ZNF254: variants seen among roughly 807,000 people sequenced by gnomAD.
ZNF254 encodes the protein zinc finger protein 254, also known as CTD-2017D11.1.
In ZNF254, 10 loss-of-function variants were observed where a neutral mutation model predicts 12.4. The ratio of observed to expected loss-of-function variants is 0.80; its 90% confidence interval spans 0.50 to 1.36. The LOEUF is 1.36. ZNF254 is among the 40% of genes most tolerant of loss of function. The pLI, the probability that ZNF254 is intolerant of heterozygous loss-of-function variation, is 0.00. For synonymous variants in ZNF254, 305 were observed against 253.4 expected, an observed-to-expected ratio of 1.20 and a Z score of -1.93; for missense variants, 996 against 763.9, an observed-to-expected ratio of 1.30 and a Z score of -3.58.
Position 24,129,692 on chromosome 19 carries a change from CT to C in ZNF254, c.*1717del, listed in dbSNP as rs1447440878. The C allele has an allele frequency of 6.6e-6, 1 of 151,524 alleles. No individual in the cohort carries two copies. The highest frequency in any genetic ancestry group is 1.5e-5 in the Non-Finnish European group (1 of 67,888). 9.4% of individuals were successfully genotyped at this position (151,524 alleles called of 1,614,324 possible). Reference sequence around the variant, plus strand: ...ATATCCATTACCTCTAGCATTTATTCTTTTTATTACAAGCAATTCAATTGTA... The same window carrying C: ...ATATCCATTACCTCTAGCATTTATTCTTTTATTACAAGCAATTCAATTGTA... On this transcript the variant is annotated 3_prime_UTR_variant, in exon 4 of 4. Coordinates refer to ENST00000357002, the MANE Select transcript of ZNF254 (RefSeq NM_203282.4).
At chr19:24,056,915 A>C (rs1970877952) in intron 2 of ZNF254, among the ~76,000 whole-genome samples, 1 of 152,168 alleles carries the variant, frequency 6.6e-6, no homozygotes, top group African/African-American at 2.4e-5. Flanking sequence ...CCTATTACCC[A>C]GATGATATAA....
intron 3 of ZNF254, among the ~76,000 whole-genome samples, chr19:24,111,411 A>G (rs1019455307): frequency 6.6e-6 from 1 of 152,220 alleles, no homozygotes; most frequent in African/African-American, 2.4e-5. Flanking sequence ...CACAATAAAC[A>G]TACTTGTGCA....
At chr19:24,105,751 C>A in intron 1 of ZNF254, 189 bp from the exon 2 acceptor site, 2 of 912,202 alleles carry the variant, frequency 2.2e-6, no homozygotes, top group Non-Finnish European at 3.0e-6. Flanking sequence ...GATATTTTGC[C>A]ACTCTATTTT....
At chr19:24,122,513 C>T (rs1382992984) in intron 3 of ZNF254, among the ~76,000 whole-genome samples, 1 of 152,142 alleles carries the variant, frequency 6.6e-6, no homozygotes, top group East Asian at 1.9e-4. Context: ...GTGTGAACCA[C>T]CATGCCTGGC....
rs778537669 is a variant in ZNF254 at position 24,127,036 on chromosome 19, GGAGA to G, written c.1039_1042del (p.Glu347AsnfsTer23). 1.2e-6 allele frequency: 2 copies of G among 1,613,278 alleles called. No individual in the cohort carries two copies. Among genetic ancestry groups the G allele is most frequent in the Non-Finnish European group, 1.7e-6 (2 of 1,179,732 alleles). On this transcript the variant is annotated frameshift_variant, in exon 4 of 4. Transcript: ENST00000357002. LOFTEE classifies it low-confidence loss of function (END_TRUNC). ...AACTAGACATAAGAGGATGCACACTGGAGAGAAACCCTACAAATGTGAAGAATGT... is the reference window on the plus strand; with the variant it reads ...AACTAGACATAAGAGGATGCACACTGGAAACCCTACAAATGTGAAGAATGT...
rs1974869525 is a variant in ZNF254, at chr19:24,126,644, G to A, written c.644G>A (p.Cys215Tyr). ...HREKSYKCKE[C>Y]GKTFNWSSTL... is the part of the protein sequence containing the mutation. ...GAGAAGTCCTACAAATGTAAAGAATGTGGAAAAACCTTTAATTGGTCCTCA... is the reference window on the plus strand; with the variant it reads ...GAGAAGTCCTACAAATGTAAAGAATATGGAAAAACCTTTAATTGGTCCTCA... Residue 215 changes from cysteine (C) to tyrosine (Y), a missense_variant, in exon 4 of 4, where the codon TGT becomes TAT. By Grantham distance (194) the Cys-to-Tyr change is radical. Coordinates refer to ENST00000357002, the MANE Select transcript of ZNF254 (RefSeq NM_203282.4). 10 of 1,611,490 alleles carry A rather than the reference G, an allele frequency of 6.2e-6. No individual in the cohort carries two copies. Among genetic ancestry groups the A allele is most frequent in the Admixed American group, 1.7e-5 (1 of 59,502 alleles).
At chr19:24,042,373 G>C (rs1045419261) in intron 1 of ZNF254, among the ~76,000 whole-genome samples, 3 of 152,138 alleles carry the variant, frequency 2.0e-5, no homozygotes, top group Non-Finnish European at 4.4e-5. Context: ...CAGGCTGCCC[G>C]AGCCAGCATT....
chr19:24,048,424 C>T (rs1277724940), intron 2 of ZNF254, among the ~76,000 whole-genome samples: 1 of 152,222 alleles, frequency 6.6e-6, no homozygotes, highest in African/African-American at 2.4e-5. Flanking sequence ...AGGATGTCGG[C>T]CACAAGCGTA....
chr19:24,056,528 A>T (rs1179785714), intron 2 of ZNF254, among the ~76,000 whole-genome samples: 1 of 152,096 alleles, frequency 6.6e-6, no homozygotes, highest in Non-Finnish European at 1.5e-5. Context: ...GGACCTCAAA[A>T]GGCATTGTGA....
At chr19:24,049,212 A>ATTTTTTTTT (rs1179977299) in intron 2 of ZNF254, among the ~76,000 whole-genome samples, 20 of 42,212 alleles carry the variant, frequency 4.7e-4, no homozygotes, top group African/African-American at 1.6e-3. Context: ...ATATATATAT[A>ATTTTTTTTT]TATTTTTTTT....
At chr19:24,053,589 TC>T (rs1194522657) in intron 2 of ZNF254, among the ~76,000 whole-genome samples, 1 of 152,088 alleles carries the variant, frequency 6.6e-6, no homozygotes, top group African/African-American at 2.4e-5. Context: ...TTCCTCTACT[TC>T]CTAGGCTTTT....
rs144109652 is a variant in ZNF254 at position 24,034,189 on chromosome 19, C to T, written c.-190+568C>T. ...AAGCTGGTCTGGAACTCAAGTGATC[C>T]GCCCGCCTCGGCCTGACCGGGAAAT... is the stretch of plus-strand genomic sequence containing the variant. On this transcript the variant is annotated intron_variant, in intron 1 of 4. Coordinates refer to the ZNF254 transcript ENST00000613065. Among the ~76,000 whole-genome samples, 465 of 152,204 alleles carry T rather than the reference C, an allele frequency of 3.1e-3. 1 individual carries two copies. The highest frequency in any genetic ancestry group is 0.011 in the African/African-American group (447 of 41,534).
At position 24,097,827 on chromosome 19, in the gene ZNF254, T is replaced by C. The variant is rs570533484; in HGVS notation, c.31-8113T>C. 4.0e-5 allele frequency among the ~76,000 whole-genome samples: 6 copies of C among 148,604 alleles called. No individual in the cohort carries two copies. The East Asian group carries it at 1.2e-3, about 29-fold the overall frequency. On this transcript the variant is annotated intron_variant, in intron 1 of 3. Transcript: ENST00000357002. Reference sequence around the variant, plus strand: ...TAAAATAAAATAAAATAAAATAAAATATACAAGCAAACAACAACAAAAAAA... The same window carrying C: ...TAAAATAAAATAAAATAAAATAAAACATACAAGCAAACAACAACAAAAAAA...
chr19:24,104,768 C>A (rs955197583), intron 1 of ZNF254: 1 of 152,016 alleles, frequency 6.6e-6, no homozygotes, highest in Non-Finnish European at 1.5e-5. Flanking sequence ...GTGGGGAAAA[C>A]CTGGGGTTCT....
At chr19:24,056,487 G>A (rs1212940188) in intron 2 of ZNF254, among the ~76,000 whole-genome samples, 7 of 152,104 alleles carry the variant, frequency 4.6e-5, no homozygotes, top group Non-Finnish European at 1.0e-4. Context: ...GGAGCTCTAT[G>A]CCAATGTGAC....
At chr19:24,034,785 C>CT (rs57891281) in intron 1 of ZNF254, among the ~76,000 whole-genome samples, 20,778 of 141,442 alleles carry the variant, frequency 0.15, 1,574 homozygotes, top group East Asian at 0.21. Flanking sequence ...CAAGAAGTTA[C>CT]TTTTTTTTTT....
intron 3 of ZNF254, among the ~76,000 whole-genome samples, chr19:24,109,702 TC>T (rs1169744195): frequency 2.0e-5 from 3 of 149,638 alleles, no homozygotes; most frequent in African/African-American, 7.5e-5. Flanking sequence ...TTTTCTTTTT[TC>T]TTTTTTCTTT....
Position 24,127,083 on chromosome 19 carries a change from GTCC to G in ZNF254, c.1086_1088del (p.Ser363del), listed in dbSNP as rs1974915279. ...AAGAATGTGGCAAAGCTTTTAGCCAGTCCTCAACCCTTACTACACATAAGATAA... is the reference window on the plus strand; with the variant it reads ...AAGAATGTGGCAAAGCTTTTAGCCAGTCAACCCTTACTACACATAAGATAA... On this transcript the variant is annotated inframe_deletion, in exon 4 of 4. Transcript: ENST00000357002. The G allele has an allele frequency of 6.2e-7, 1 of 1,610,166 alleles. No homozygotes were observed. The highest frequency in any genetic ancestry group is 1.4e-5 in the African/African-American group (1 of 73,894).
In ZNF254 at chr19:24,127,588, T is replaced by C; in HGVS notation, c.1588T>C (p.Ser530Pro). ...CEECGKAFNW[S>P]STLTKHKIIH... is the part of the protein sequence containing the mutation. ...AGAATGTGGCAAAGCCTTTAACTGGTCCTCAACTCTTACTAAACATAAGAT... is the reference window on the plus strand; with the variant it reads ...AGAATGTGGCAAAGCCTTTAACTGGCCCTCAACTCTTACTAAACATAAGAT... The change falls in exon 4 of 4, where the codon TCC becomes CCC. Residue 530 changes from serine (S) to proline (P), a missense_variant. Transcript: ENST00000357002. The C allele has an allele frequency of 6.2e-7, 1 of 1,607,926 alleles. No individual in the cohort carries two copies. The highest frequency in any genetic ancestry group is 1.1e-5 in the South Asian group (1 of 90,594).
Sources: gnomAD v4.1 joint callset for allele counts (sites outside exome capture counted in the v4.1 genomes callset) on GRCh38, gnomAD v4.1.1 for gene constraint, MANE v1.5 for transcripts, NCBI Gene and HGNC (gene_info 2026-07-23, HGNC 2026-07-21) for gene names.